The following C2CD5 variants were observed in gnomAD, a reference collection of about 807,000 sequenced individuals.
C2CD5 encodes the protein C2 domain-containing protein 5.
A neutral mutation model predicts 130.3 loss-of-function variants in C2CD5; 109 were observed. That is an observed-to-expected ratio of 0.84 (90% CI 0.72 to 0.98). C2CD5 has a LOEUF of 0.98. C2CD5 is among the 50% of genes least tolerant of loss of function. C2CD5 has a pLI of 0.00. For missense variants in C2CD5, 996 were observed against 1,261.8 expected (o/e 0.79, Z 3.19); for synonymous variants, 454 against 429.2 (o/e 1.06, Z -0.71).
At chr12:22,456,433 T>C (rs1939882357) in intron 25 of C2CD5, among the ~76,000 whole-genome samples, 1 of 152,156 alleles carries the variant, frequency 6.6e-6, no homozygotes, top group Admixed American at 6.5e-5. Context: ...TCAAGTAAAA[T>C]ATTACAACTT....
intron 11 of C2CD5, among the ~76,000 whole-genome samples, chr12:22,492,899 A>G (rs928328481): frequency 2.6e-5 from 4 of 152,214 alleles, no homozygotes; most frequent in African/African-American, 9.6e-5. Context: ...ATACAGTTAC[A>G]TACTAAAGGA....
chr12:22,519,093 TG>T, intron 7 of C2CD5: 1 of 1,530,322 alleles, frequency 6.5e-7, no homozygotes, highest in Non-Finnish European at 8.7e-7. Flanking sequence ...TCCCCAGCTC[TG>T]GAGTCTGAGC....
At chr12:22,493,904 A>C (rs1946673072) in intron 10 of C2CD5, among the ~76,000 whole-genome samples, 1 of 152,006 alleles carries the variant, frequency 6.6e-6, no homozygotes, top group South Asian at 2.1e-4. Flanking sequence ...ATTTAAAAAA[A>C]AAAAGAAAGA....
At chr12:22,514,019 G>A (rs532201862) in intron 8 of C2CD5, among the ~76,000 whole-genome samples, 39 of 152,182 alleles carry the variant, frequency 2.6e-4, no homozygotes, top group African/African-American at 8.7e-4. Context: ...CATCACAAAT[G>A]TACATAGTTA....
At chr12:22,467,673 A>G (rs1042843997) in intron 22 of C2CD5, among the ~76,000 whole-genome samples, 8 of 152,202 alleles carry the variant, frequency 5.3e-5, no homozygotes, top group African/African-American at 1.7e-4. Context: ...CAGAACTGAG[A>G]AAACAGGTCA....
intron 10 of C2CD5, among the ~76,000 whole-genome samples, chr12:22,496,383 C>G (rs535593928): frequency 1.0e-3 from 159 of 151,976 alleles, no homozygotes; most frequent in Non-Finnish European, 1.7e-3. Context: ...CTAAAAAGTA[C>G]AAAATTGAGG....
At chr12:22,478,618 G>A in intron 14 of C2CD5, 141 bp from the exon 15 acceptor site, 1 of 653,974 alleles carries the variant, frequency 1.5e-6, no homozygotes, top group Non-Finnish European at 2.6e-6. Context: ...GGCCAAGGCG[G>A]GCAGATCACT....
intron 4 of C2CD5, 98 bp from the exon 5 acceptor site, chr12:22,525,803 A>G (rs1489357367): frequency 1.4e-6 from 1 of 718,008 alleles, no homozygotes; most frequent in Non-Finnish European, 2.4e-6. Context: ...TTTAAAATAC[A>G]ATGATTTAAC....
At chr12:22,497,907 T>TACACACGCACACACATACACAC (rs1947244174) in intron 10 of C2CD5, among the ~76,000 whole-genome samples, 1 of 145,614 alleles carries the variant, frequency 6.9e-6, no homozygotes, top group Non-Finnish European at 1.5e-5. Flanking sequence ...TGCACACACA[T>TACACACGCACACACATACACAC]ACACACACAC....
At chr12:22,490,329 C>G (rs1034200806) in intron 11 of C2CD5, 111 bp from the exon 12 acceptor site, 13 of 666,152 alleles carry the variant, frequency 2.0e-5, no homozygotes, top group Non-Finnish European at 2.6e-5. Flanking sequence ...AAGTTAGACT[C>G]TACTCAATAT....
chr12:22,543,985 G>A (rs1445736666), intron 2 of C2CD5, 76 bp downstream of exon 2: 2 of 1,126,162 alleles, frequency 1.8e-6, no homozygotes, highest in African/African-American at 1.5e-5. Context: ...AGGCTGAGGG[G>A]CTGGGGGCGA....
intron 19 of C2CD5, 117 bp from the exon 20 acceptor site, chr12:22,471,605 G>T: frequency 3.9e-6 from 2 of 511,422 alleles, no homozygotes; most frequent in Non-Finnish European, 6.9e-6. Context: ...AACAAAACTG[G>T]TCCACTTTTG....
At chr12:22,532,758 C>T (rs190261181) in intron 3 of C2CD5, among the ~76,000 whole-genome samples, 1 of 152,328 alleles carries the variant, frequency 6.6e-6, no homozygotes, top group African/African-American at 2.4e-5. Context: ...TACTTTCCTT[C>T]CCTTGTTCTC....
chr12:22,483,918 GTA>G (rs754359637), intron 13 of C2CD5, among the ~76,000 whole-genome samples: 7 of 152,264 alleles, frequency 4.6e-5, no homozygotes, highest in Admixed American at 2.0e-4. Flanking sequence ...AAGTAGACAG[GTA>G]TAAGTCTAAA....
intron 22 of C2CD5, among the ~76,000 whole-genome samples, chr12:22,459,853 G>A (rs1422105045): frequency 6.6e-6 from 1 of 152,190 alleles, no homozygotes; most frequent in African/African-American, 2.4e-5. Flanking sequence ...GATGAAAGCA[G>A]GATGTGAGAC....
At chr12:22,452,983 TATAAG>T (rs1276451671) in intron 26 of C2CD5, among the ~76,000 whole-genome samples, 3 of 152,238 alleles carry the variant, frequency 2.0e-5, no homozygotes. Flanking sequence ...TCACTTTCAC[TATAAG>T]ATAATTTTAC....
intron 10 of C2CD5, among the ~76,000 whole-genome samples, chr12:22,493,921 G>A (rs11833121): frequency 0.16 from 24,177 of 151,450 alleles, 3,839 homozygotes; most frequent in African/African-American, 0.41. Flanking sequence ...AAGAAAGCAA[G>A]CACACTTAAA....
chr12:22,453,906 T>C lies in C2CD5; in HGVS notation c.3014A>G (p.Asn1005Ser), dbSNP rs1939245039. Residue 1005 changes from asparagine (N) to serine (S), a missense_variant, in exon 26 of 27, where the codon AAT becomes AGT. Around this residue, in one of 9 missense-constraint regions of C2CD5, gnomAD observed 51 missense variants for 99.5 expected, o/e 0.51. Coordinates refer to ENST00000446597, the MANE Select transcript of C2CD5 (RefSeq NM_001286176.2). ...TTAACTGCATCTTACCTGGTTTTTATTTGGATTCTCCATGAAGACACACTG... is the reference window on the plus strand; with the variant it reads ...TTAACTGCATCTTACCTGGTTTTTACTTGGATTCTCCATGAAGACACACTG... ...MKQCVFMENP[N>S]KNQAQCLINV... 6.2e-7 allele frequency: 1 copy of C among 1,611,120 alleles called. No homozygotes were observed.
At chr12:22,538,077 G>C (rs936596412) in intron 2 of C2CD5, among the ~76,000 whole-genome samples, 1 of 152,078 alleles carries the variant, frequency 6.6e-6, no homozygotes, top group Non-Finnish European at 1.5e-5. Flanking sequence ...TTAAATTAGA[G>C]GATCACTAAA....
Sources: allele counts gnomAD v4.1 joint callset (sites outside exome capture counted in the v4.1 genomes callset), GRCh38; gene constraint gnomAD v4.1.1; regional missense constraint gnomAD v4.1.1; transcripts MANE v1.5; gene names NCBI Gene and HGNC (gene_info 2026-07-23, HGNC 2026-07-21).